Variants in RPS6KA2 observed in about 807,000 individuals in gnomAD.
RPS6KA2 encodes ribosomal protein S6 kinase A2.
RPS6KA2 carries 42 observed loss-of-function variants against 91.8 expected under a neutral mutation model. The observed-to-expected ratio is 0.46, with a 90% CI of 0.36 to 0.59. The LOEUF (loss-of-function observed/expected upper bound fraction) is 0.59, where lower values mean the gene tolerates loss of function less well. RPS6KA2 is among the 20% of genes least tolerant of loss of function. The pLI, the probability that RPS6KA2 is intolerant of heterozygous loss-of-function variation, is 0.00. For synonymous variants in RPS6KA2, 414 were observed against 393.6 expected (o/e 1.05, Z -0.61); for missense variants, 798 against 978.5 (o/e 0.82, Z 2.46).
Position 166,602,729 on chromosome 6 carries a change from G to A in RPS6KA2, c.99+24192C>T, listed in dbSNP as rs112651771. ...GGTAGACCTCAAATCCAGGGAAATC[G>A]TAGCCTCCAGGTGGGAGGGAGAAGG... On this transcript the variant is annotated intron_variant, in intron 1 of 20. Transcript: ENST00000265678. Among the ~76,000 whole-genome samples, 633 of 152,316 alleles carry A rather than the reference G, an allele frequency of 4.2e-3. 3 individuals carry two copies. Among genetic ancestry groups the A allele is most frequent in the African/African-American group, 0.012 (479 of 41,568 alleles).
chr6:166,799,927 C>A (rs969514974), intron 2 of RPS6KA2, among the ~76,000 whole-genome samples: 1 of 152,156 alleles, frequency 6.6e-6, no homozygotes, highest in Non-Finnish European at 1.5e-5. Flanking sequence ...TCTGCCAAGT[C>A]CCCAGTAACA....
chr6:166,565,296 G>T (rs1401129222), intron 1 of RPS6KA2, among the ~76,000 whole-genome samples: 1 of 152,258 alleles, frequency 6.6e-6, no homozygotes, highest in Non-Finnish European at 1.5e-5. Flanking sequence ...CTGACAGCGA[G>T]GCGGTGGGGG....
At chr6:166,466,560 C>T (rs745740409) in intron 11 of RPS6KA2, among the ~76,000 whole-genome samples, 2 of 152,198 alleles carry the variant, frequency 1.3e-5, no homozygotes, top group Non-Finnish European at 2.9e-5. Context: ...CTGCCCTGCC[C>T]ACCTGCAGCT....
At chr6:166,654,348 G>A (rs966190055) in intron 2 of RPS6KA2, among the ~76,000 whole-genome samples, 11 of 152,068 alleles carry the variant, frequency 7.2e-5, no homozygotes, top group South Asian at 4.2e-4. Flanking sequence ...AAGCACCCTC[G>A]AATAGCTGCA....
At chr6:166,594,729 T>C (rs1182209974) in intron 1 of RPS6KA2, among the ~76,000 whole-genome samples, 1 of 152,266 alleles carries the variant, frequency 6.6e-6, no homozygotes, top group African/African-American at 2.4e-5. Context: ...CCCAAAGTGC[T>C]GGGATTACAG....
At chr6:166,701,664 G>A in intron 2 of RPS6KA2, 2 of 1,263,988 alleles carry the variant, frequency 1.6e-6, no homozygotes, top group Non-Finnish European at 2.3e-6. Context: ...TGGCTGAAGG[G>A]GGCCCTGAGG....
intron 1 of RPS6KA2, among the ~76,000 whole-genome samples, chr6:166,591,780 C>T (rs1785362358): frequency 6.6e-6 from 1 of 152,146 alleles, no homozygotes; most frequent in Admixed American, 6.5e-5. Context: ...TACAGTAGCC[C>T]CAGAAAACTA....
At chr6:166,833,348 G>A (rs1482731837) in intron 2 of RPS6KA2, among the ~76,000 whole-genome samples, 1 of 152,204 alleles carries the variant, frequency 6.6e-6, no homozygotes, top group Non-Finnish European at 1.5e-5. Context: ...CCTTTATGAT[G>A]TAATATTTGA....
At chr6:166,476,757 G>A (rs749431272) in intron 10 of RPS6KA2, among the ~76,000 whole-genome samples, 3 of 152,080 alleles carry the variant, frequency 2.0e-5, no homozygotes, top group Non-Finnish European at 2.9e-5. Flanking sequence ...CAATGAAGAC[G>A]CATTTGCTCC....
chr6:166,774,975 G>T (rs2072640), intron 2 of RPS6KA2, among the ~76,000 whole-genome samples: 14,476 of 151,936 alleles, frequency 0.095, 1,242 homozygotes, highest in East Asian at 0.48. Flanking sequence ...GAGGAGAAAC[G>T]GCAGGTGGCA....
rs1778264498 is a variant in RPS6KA2, at chr6:166,410,447, G to A, written c.*2315C>T. On this transcript the variant is annotated 3_prime_UTR_variant, in exon 21 of 21. Transcript: ENST00000265678. ...GCTGACTTTTGTGGAAGGATGTCAA[G>A]TATCATTTTGTTCTGGATATGGGAG... is the stretch of plus-strand genomic sequence containing the variant. The A allele has an allele frequency of 1.3e-5, 2 of 152,612 alleles. No homozygotes were observed. Among genetic ancestry groups the A allele is most frequent in the Admixed American group, 1.3e-4 (2 of 15,286 alleles). 9.5% of individuals were successfully genotyped at this position (152,612 alleles called of 1,614,324 possible).
chr6:166,659,330 C>T (rs995070410), intron 2 of RPS6KA2, among the ~76,000 whole-genome samples: 2 of 152,158 alleles, frequency 1.3e-5, no homozygotes, highest in Admixed American at 6.5e-5. Context: ...CAGTCTCCCC[C>T]AGCTGTTCCC....
chr6:166,655,870 A>T (rs1162168691), intron 2 of RPS6KA2, among the ~76,000 whole-genome samples: 2 of 152,200 alleles, frequency 1.3e-5, no homozygotes. Flanking sequence ...GACTACATGG[A>T]GCAGAGCCCC....
Position 166,770,204 on chromosome 6 carries a change from A to G in RPS6KA2, c.123+87996T>C, listed in dbSNP as rs540787180. Among the ~76,000 whole-genome samples, 4 of 152,348 alleles carry G rather than the reference A, an allele frequency of 2.6e-5. No individual in the cohort carries two copies. The South Asian group carries it at 8.3e-4, about 32-fold the overall frequency. On this transcript the variant is annotated intron_variant, in intron 2 of 21. Coordinates refer to the RPS6KA2 transcript ENST00000503859. The surrounding 1 kb of genome is among the most constrained non-coding windows in gnomAD (Gnocchi z 5.1). ...CTACCGACTTACTACATTTCACCTG[A>G]GTGTTGCAGCCCAAAGCATTGAAAA...
At chr6:166,592,189 A>G (rs1785376732) in intron 1 of RPS6KA2, among the ~76,000 whole-genome samples, 1 of 152,238 alleles carries the variant, frequency 6.6e-6, no homozygotes. Context: ...GTCACATATT[A>G]TAAATAGTAG....
chr6:166,559,188 G>A (rs1427349580), intron 1 of RPS6KA2, among the ~76,000 whole-genome samples: 1 of 151,902 alleles, frequency 6.6e-6, no homozygotes, highest in Admixed American at 6.6e-5. Flanking sequence ...ATTCAGTAGA[G>A]GAAAAGAGAC....
chr6:166,672,521 G>A (rs1229827884), intron 2 of RPS6KA2, among the ~76,000 whole-genome samples: 2 of 152,134 alleles, frequency 1.3e-5, no homozygotes, highest in African/African-American at 2.4e-5. Context: ...AGTACCCATC[G>A]CTTTATTTGC....
intron 2 of RPS6KA2, among the ~76,000 whole-genome samples, chr6:166,800,521 C>G (rs558017852): frequency 4.6e-5 from 7 of 152,284 alleles, no homozygotes; most frequent in African/African-American, 9.6e-5. Context: ...TACAAAAGGC[C>G]CTTCCACCTC....
intron 1 of RPS6KA2, among the ~76,000 whole-genome samples, chr6:166,541,260 G>A (rs577345219): frequency 6.6e-6 from 1 of 152,374 alleles, no homozygotes; most frequent in South Asian, 2.1e-4. Context: ...CCGCCCAGAG[G>A]TGTGGGGCAG....
Sources: allele counts gnomAD v4.1 joint callset (sites outside exome capture counted in the v4.1 genomes callset), GRCh38; gene constraint gnomAD v4.1.1; non-coding constraint Gnocchi (gnomAD v3.1); transcripts MANE v1.5; gene names NCBI Gene and HGNC (gene_info 2026-07-23, HGNC 2026-07-21).